The following RABGAP1L variants were observed in gnomAD, a reference collection of about 807,000 sequenced individuals.
The protein encoded by RABGAP1L is rab GTPase-activating protein 1-like.
RABGAP1L carries 63 observed loss-of-function variants against 137.7 expected under a neutral mutation model. The observed-to-expected ratio is 0.46, with a 90% CI of 0.37 to 0.56. RABGAP1L has a LOEUF of 0.56. RABGAP1L is among the 20% of genes least tolerant of loss of function. The pLI is 0.00. For synonymous variants in RABGAP1L, 431 were observed against 433.7 expected, an observed-to-expected ratio of 0.99 and a Z score of 0.08; for missense variants, 1,095 against 1,244.0, an observed-to-expected ratio of 0.88 and a Z score of 1.80.
chr1:174,989,195 CCT>C (rs1671863998), intron 25 of RABGAP1L, among the ~76,000 whole-genome samples: 1 of 152,104 alleles, frequency 6.6e-6, no homozygotes, highest in Non-Finnish European at 1.5e-5. Flanking sequence ...CTGTGTCTAC[CCT>C]GAGAGTCACA....
At chr1:174,607,367 C>A (rs2148194028) in intron 13 of RABGAP1L, among the ~76,000 whole-genome samples, 1 of 152,272 alleles carries the variant, frequency 6.6e-6, no homozygotes, top group East Asian at 1.9e-4. Context: ...GGGCAGTGGT[C>A]CTGTGGTGTT....
At chr1:174,705,014 C>A (rs546513869) in intron 17 of RABGAP1L, among the ~76,000 whole-genome samples, 2 of 152,124 alleles carry the variant, frequency 1.3e-5, no homozygotes, top group East Asian at 3.9e-4. Context: ...GGGGGTATGA[C>A]ATTTTAACAG....
intron 13 of RABGAP1L, among the ~76,000 whole-genome samples, chr1:174,503,761 T>A (rs75219202): frequency 0.035 from 5,244 of 151,898 alleles, 122 homozygotes; most frequent in Middle Eastern, 0.088. Flanking sequence ...CAATTCCATT[T>A]ACAATAGCTA....
At chr1:174,189,936 C>T (rs765604728) in intron 1 of RABGAP1L, among the ~76,000 whole-genome samples, 2 of 152,148 alleles carry the variant, frequency 1.3e-5, no homozygotes, top group Non-Finnish European at 2.9e-5. Context: ...CCTGAGCTAG[C>T]ATATTCAGCC....
intron 13 of RABGAP1L, among the ~76,000 whole-genome samples, chr1:174,626,231 G>A (rs1308388212): frequency 6.6e-6 from 1 of 152,194 alleles, no homozygotes; most frequent in Non-Finnish European, 1.5e-5. Context: ...GTTTGTGGTA[G>A]ACAGTCATCT....
chr1:174,882,661 A>G (rs545074707), intron 19 of RABGAP1L, among the ~76,000 whole-genome samples: 8 of 152,302 alleles, frequency 5.3e-5, no homozygotes, highest in Admixed American at 1.3e-4. Context: ...AAAATCACAG[A>G]CCCCTTTACA....
chr1:174,534,775 C>CAAAAAAAAAAAAAAAAAAAAAAAA (rs71117567), intron 13 of RABGAP1L, among the ~76,000 whole-genome samples: 20 of 71,624 alleles, frequency 2.8e-4, no homozygotes, highest in East Asian at 7.7e-4. Context: ...ACTCTGTCTC[C>CAAAAAAAAAAAAAAAAAAAAAAAA]AAAAAAAAAA....
intron 19 of RABGAP1L, among the ~76,000 whole-genome samples, chr1:174,886,240 G>A (rs778346883): frequency 4.6e-5 from 7 of 152,000 alleles, no homozygotes; most frequent in Non-Finnish European, 1.0e-4. Flanking sequence ...TCGACCTCCC[G>A]ATCTTAGGTG....
At chr1:174,216,586 TG>T (rs1376764047) in intron 1 of RABGAP1L, among the ~76,000 whole-genome samples, 5 of 128,762 alleles carry the variant, frequency 3.9e-5, no homozygotes, top group African/African-American at 8.8e-5. Flanking sequence ...ATTGCTGTCA[TG>T]TTTTTTTTTT....
At chr1:174,760,306 T>C (rs1156632569) in intron 18 of RABGAP1L, among the ~76,000 whole-genome samples, 1 of 152,168 alleles carries the variant, frequency 6.6e-6, no homozygotes, top group Non-Finnish European at 1.5e-5. Flanking sequence ...TAGTACCCAA[T>C]AGGTGGTTTT....
intron 19 of RABGAP1L, among the ~76,000 whole-genome samples, chr1:174,914,004 C>A (rs1660456308): frequency 6.6e-6 from 1 of 152,162 alleles, no homozygotes; most frequent in Non-Finnish European, 1.5e-5. Context: ...TGAAAACTAA[C>A]AGAAGTTGTT....
chr1:174,304,387 T>C (rs1678002467), intron 10 of RABGAP1L, among the ~76,000 whole-genome samples: 2 of 151,828 alleles, frequency 1.3e-5, no homozygotes, highest in African/African-American at 4.8e-5. Context: ...TTGTTTTATG[T>C]ATATGTATAA....
chr1:174,972,366 G>A (rs1451953684), intron 21 of RABGAP1L, among the ~76,000 whole-genome samples: 2 of 152,184 alleles, frequency 1.3e-5, no homozygotes, highest in Non-Finnish European at 2.9e-5. Flanking sequence ...CCTCATTTCT[G>A]ATATTAGGGC....
chr1:174,643,521 C>T (rs368006781), intron 14 of RABGAP1L, among the ~76,000 whole-genome samples: 122 of 152,212 alleles, frequency 8.0e-4, no homozygotes, highest in Admixed American at 1.9e-3. Context: ...AACTTCCTTA[C>T]GGAACAGTGA....
At position 174,828,726 on chromosome 1, in the gene RABGAP1L, A is replaced by G. The variant is rs78046773; in HGVS notation, c.2340+16766A>G. On this transcript the variant is annotated intron_variant, in intron 19 of 25. Coordinates refer to ENST00000681986, the MANE Select transcript of RABGAP1L (RefSeq NM_001366446.1). ...TAGCTATGTAGTCAAGCAAACTCCTATTTACCCTTTAGGTTGCAGGTCAAA... is the reference window on the plus strand; with the variant it reads ...TAGCTATGTAGTCAAGCAAACTCCTGTTTACCCTTTAGGTTGCAGGTCAAA... Among the ~76,000 whole-genome samples, 844 of 148,432 alleles carry G rather than the reference A, an allele frequency of 5.7e-3. 58 individuals carry two copies. Among genetic ancestry groups the G allele is most frequent in the African/African-American group, 0.019 (794 of 40,750 alleles).
intron 13 of RABGAP1L, among the ~76,000 whole-genome samples, chr1:174,406,530 T>C (rs1649302352): frequency 6.6e-6 from 1 of 152,236 alleles, no homozygotes; most frequent in Non-Finnish European, 1.5e-5. Context: ...AAGGCAGTGT[T>C]AGTCAAATAA....
At chr1:174,870,489 A>G (rs1327983183) in intron 19 of RABGAP1L, among the ~76,000 whole-genome samples, 1 of 152,204 alleles carries the variant, frequency 6.6e-6, no homozygotes, top group Admixed American at 6.5e-5. Flanking sequence ...TAATTCTGGT[A>G]TATGTTTGCC....
At chr1:174,304,943 T>G in intron 10 of RABGAP1L, 43 bp from the exon 11 acceptor site, 1 of 1,459,098 alleles carries the variant, frequency 6.9e-7, no homozygotes, top group South Asian at 1.4e-5. Flanking sequence ...CAATGTTTCC[T>G]TCAGATTTCT....
At chr1:174,974,448 C>A (rs1670472906) in intron 21 of RABGAP1L, among the ~76,000 whole-genome samples, 1 of 152,018 alleles carries the variant, frequency 6.6e-6, no homozygotes, top group South Asian at 2.1e-4. Context: ...TTTTTGTTTT[C>A]TTTTAAAATG....
Sources: gnomAD v4.1 joint callset for allele counts (sites outside exome capture counted in the v4.1 genomes callset) on GRCh38, gnomAD v4.1.1 for gene constraint, MANE v1.5 for transcripts, NCBI Gene and HGNC (gene_info 2026-07-23, HGNC 2026-07-21) for gene names.